The following ANKIB1 variants were observed in gnomAD, a reference collection of about 807,000 sequenced individuals.
ANKIB1 encodes the protein ankyrin repeat and IBR domain-containing protein 1.
In ANKIB1, 43 loss-of-function variants were observed where a neutral mutation model predicts 122.1. The ratio of observed to expected loss-of-function variants is 0.35; its 90% CI spans 0.28 to 0.45. ANKIB1 has a LOEUF of 0.45. Among genes scored for constraint, ANKIB1 ranks in the 20% least tolerant of loss-of-function variants. ANKIB1 has a pLI of 1.00. For missense variants in ANKIB1, 992 were observed against 1,329.5 expected (o/e 0.75, Z 3.95); for synonymous variants, 390 against 442.0 (o/e 0.88, Z 1.48).
intron 11 of ANKIB1, among the ~76,000 whole-genome samples, chr7:92,386,126 C>T (rs1453336134): frequency 1.3e-5 from 2 of 152,092 alleles, no homozygotes; most frequent in African/African-American, 4.8e-5. Flanking sequence ...AGTTTCAAAA[C>T]CAATTTGTCA....
At chr7:92,291,574 T>C (rs184596808) in intron 1 of ANKIB1, among the ~76,000 whole-genome samples, 3,569 of 146,604 alleles carry the variant, frequency 0.024, 154 homozygotes, top group African/African-American at 0.085. Context: ...TTTCTTTTTT[T>C]TTTTTTTTTT....
intron 1 of ANKIB1, among the ~76,000 whole-genome samples, chr7:92,276,943 G>A (rs1474344151): frequency 6.6e-6 from 1 of 152,162 alleles, no homozygotes; most frequent in African/African-American, 2.4e-5. Flanking sequence ...TCATGGGGGC[G>A]AATTTCTCAT....
At chr7:92,305,166 A>AAACTCTCAGGAGTAGTTT (rs751606965) in intron 2 of ANKIB1, among the ~76,000 whole-genome samples, 193 of 152,342 alleles carry the variant, frequency 1.3e-3, no homozygotes, top group Non-Finnish European at 2.3e-3. Flanking sequence ...CCCTTAAGAT[A>AAACTCTCAGGAGTAGTTT]AACTCTCAGG....
At chr7:92,348,027 C>A in intron 7 of ANKIB1, 1 of 437,422 alleles carries the variant, frequency 2.3e-6, no homozygotes, top group South Asian at 1.7e-5. Flanking sequence ...GTAAGGTTTG[C>A]CCCAGATTTC....
At chr7:92,304,421 T>C (rs1283836697) in intron 2 of ANKIB1, among the ~76,000 whole-genome samples, 3 of 152,092 alleles carry the variant, frequency 2.0e-5, no homozygotes, top group Admixed American at 2.0e-4. Flanking sequence ...CTTCTCTATA[T>C]GGGGAGGATC....
At chr7:92,368,620 T>A (rs1204534290) in intron 10 of ANKIB1, among the ~76,000 whole-genome samples, 1 of 151,570 alleles carries the variant, frequency 6.6e-6, no homozygotes, top group African/African-American at 2.4e-5. Context: ...ACTTGGGAGG[T>A]TGAGGCATGA....
intron 1 of ANKIB1, among the ~76,000 whole-genome samples, chr7:92,254,193 A>C (rs1801388863): frequency 6.6e-6 from 1 of 152,226 alleles, no homozygotes; most frequent in African/African-American, 2.4e-5. Context: ...AGATGAAAAC[A>C]GCAGAGAAAC....
chr7:92,261,105 T>C (rs1373362044), intron 1 of ANKIB1, among the ~76,000 whole-genome samples: 3 of 152,040 alleles, frequency 2.0e-5, no homozygotes, highest in African/African-American at 7.2e-5. Flanking sequence ...ATCCCAGCAC[T>C]TTGGGAGGCC....
intron 7 of ANKIB1, among the ~76,000 whole-genome samples, chr7:92,347,280 T>G (rs550931900): frequency 2.6e-4 from 39 of 152,040 alleles, no homozygotes; most frequent in Non-Finnish European, 4.3e-4. Flanking sequence ...TATGAGTTTT[T>G]TTTTGTTTTG....
chr7:92,316,415 AAC>A (rs1802794832), intron 3 of ANKIB1, among the ~76,000 whole-genome samples: 4 of 152,212 alleles, frequency 2.6e-5, no homozygotes. Flanking sequence ...AGTACTTTTT[AAC>A]ACATTCTTCT....
intron 10 of ANKIB1, among the ~76,000 whole-genome samples, chr7:92,364,721 A>G (rs1804033565): frequency 6.6e-6 from 1 of 152,188 alleles, no homozygotes; most frequent in Admixed American, 6.5e-5. Context: ...TATCCTCCTA[A>G]TAGAATAAGC....
rs1803971188 is a variant in ANKIB1 at position 92,362,382 on chromosome 7, T to C, written c.1486+109T>C. On this transcript the variant is annotated intron_variant, in intron 10 of 19. Coordinates refer to ENST00000265742, the MANE Select transcript of ANKIB1 (RefSeq NM_019004.2). ...TTTAAGAGGTTTTCAGATTTGTTAA[T>C]GCAAGTGCTCTCCTGTTTAACATCA... The C allele has an allele frequency of 6.2e-6, 6 of 961,484 alleles. No homozygotes were observed. The Admixed American group carries it at 6.3e-5, about 10-fold the overall frequency. The allele number at this position is 961,484 out of a possible 1,614,324, so 59.6% of individuals were successfully genotyped here.
At chr7:92,297,890 T>C (rs1802388711) in intron 2 of ANKIB1, among the ~76,000 whole-genome samples, 1 of 152,196 alleles carries the variant, frequency 6.6e-6, no homozygotes, top group African/African-American at 2.4e-5. Flanking sequence ...AACTGGTTGA[T>C]TGACTTCCCT....
chr7:92,310,238 T>C (rs958128487), intron 3 of ANKIB1, among the ~76,000 whole-genome samples: 1 of 152,036 alleles, frequency 6.6e-6, no homozygotes, highest in African/African-American at 2.4e-5. Context: ...GCATATCACA[T>C]CACATAAGTC....
chr7:92,291,259 A>G (rs1199660389), intron 1 of ANKIB1, among the ~76,000 whole-genome samples: 1 of 150,772 alleles, frequency 6.6e-6, no homozygotes, highest in African/African-American at 2.4e-5. Flanking sequence ...ATATTGCTCC[A>G]CTCCAATTTG....
At chr7:92,394,846 GCC>G (rs914881092) in intron 17 of ANKIB1, among the ~76,000 whole-genome samples, 14 of 152,122 alleles carry the variant, frequency 9.2e-5, no homozygotes, top group African/African-American at 3.4e-4. Flanking sequence ...CTAACAGGAT[GCC>G]TCCCACTTCT....
At chr7:92,287,570 C>T (rs896669171) in intron 1 of ANKIB1, among the ~76,000 whole-genome samples, 3 of 152,132 alleles carry the variant, frequency 2.0e-5, no homozygotes, top group Admixed American at 2.0e-4. Context: ...TCCTGTGCTT[C>T]TCCACTGTGA....
rs375043490 is a variant in ANKIB1 at position 92,318,376 on chromosome 7, C to T, written c.487-954C>T. ...ACTAAAAATACAAAAATTAGCTGGG[C>T]GTGGTGGCGGGTGCCTGTAATCCCA... On this transcript the variant is annotated intron_variant, in intron 3 of 19. Transcript: ENST00000265742. Among the ~76,000 whole-genome samples, 326 of 152,030 alleles carry T rather than the reference C, an allele frequency of 2.1e-3. 1 individual carries two copies. The highest frequency in any genetic ancestry group is 7.2e-3 in the African/African-American group (299 of 41,462).
At chr7:92,276,974 C>T (rs1323272173) in intron 1 of ANKIB1, among the ~76,000 whole-genome samples, 1 of 152,166 alleles carries the variant, frequency 6.6e-6, no homozygotes, top group Non-Finnish European at 1.5e-5. Flanking sequence ...GCACCATCCC[C>T]TTGCTGTGAT....
Sources: gnomAD v4.1 joint callset for allele counts (sites outside exome capture counted in the v4.1 genomes callset) on GRCh38, gnomAD v4.1.1 for gene constraint, MANE v1.5 for transcripts, NCBI Gene and HGNC (gene_info 2026-07-23, HGNC 2026-07-21) for gene names.